Variants in MTUS2 observed in about 807,000 individuals in gnomAD.
MTUS2 encodes microtubule associated scaffold protein 2.
Under a neutral mutation model 114.1 loss-of-function variants are expected in MTUS2, and 40 were observed. The ratio of observed to expected loss-of-function variants is 0.35; its 90% CI spans 0.27 to 0.46. The LOEUF (loss-of-function observed/expected upper bound fraction) is 0.46, where lower values mean the gene tolerates loss of function less well. Ranked by LOEUF, MTUS2 falls within the 20% of genes least tolerant of loss-of-function variation. The pLI, the probability that MTUS2 is intolerant of heterozygous loss-of-function variation, is 1.00. For synonymous variants in MTUS2, 688 were observed against 672.0 expected (o/e 1.02, Z -0.37); for missense variants, 1,679 against 1,705.4 (o/e 0.98, Z 0.27).
chr13:29,195,430 T>C (rs1331485913), intron 5 of MTUS2, among the ~76,000 whole-genome samples: 1 of 151,626 alleles, frequency 6.6e-6, no homozygotes, highest in Non-Finnish European at 1.5e-5. Flanking sequence ...GTATTAGCTA[T>C]TTTCGTAGTT....
chr13:29,176,823 T>C (rs996372268), intron 5 of MTUS2, among the ~76,000 whole-genome samples: 7 of 151,320 alleles, frequency 4.6e-5, no homozygotes, highest in African/African-American at 1.7e-4. Flanking sequence ...CTTGGCCATC[T>C]CCACATCTCT....
intron 9 of MTUS2, among the ~76,000 whole-genome samples, chr13:29,444,422 ACT>A (rs767051850): frequency 1.3e-5 from 2 of 151,424 alleles, no homozygotes; most frequent in Non-Finnish European, 1.5e-5. Context: ...CAAGAGCAAA[ACT>A]CTGTCTCAAA....
intron 6 of MTUS2, chr13:29,307,482 C>G (rs750311437): frequency 3.8e-6 from 5 of 1,303,210 alleles, no homozygotes; most frequent in Non-Finnish European, 5.5e-6. Context: ...CCTTCTGTGT[C>G]CCCACTGCCA....
intron 2 of MTUS2, among the ~76,000 whole-genome samples, chr13:28,856,079 AG>A (rs1876608739): frequency 6.6e-6 from 1 of 152,184 alleles, no homozygotes; most frequent in African/African-American, 2.4e-5. Context: ...AGGATGTGTG[AG>A]GGGTATTCTT....
chr13:28,966,706 C>G (rs963128969), intron 2 of MTUS2, among the ~76,000 whole-genome samples: 97 of 57,936 alleles, frequency 1.7e-3, no homozygotes, highest in Middle Eastern at 0.033. Context: ...GCCTGGGAGA[C>G]AAAGTAAGAC....
In MTUS2 at chr13:28,892,843, G is replaced by C. The variant is rs1246964507; in HGVS notation, c.-243+52993G>C. ...AAGGCAGAAAGTGATGCAAGCCACA[G>C]GAGAAAACCTGTTGGTGTCTATGAG... On this transcript the variant is annotated intron_variant, in intron 2 of 15. Transcript: ENST00000612955. Among the ~76,000 whole-genome samples, 3 of 152,344 alleles carry C rather than the reference G, an allele frequency of 2.0e-5. No homozygotes were observed. In the East Asian group the frequency reaches 5.8e-4, roughly 29 times the overall value.
chr13:28,922,743 C>T (rs1252090900), intron 2 of MTUS2, among the ~76,000 whole-genome samples: 1 of 152,136 alleles, frequency 6.6e-6, no homozygotes, highest in African/African-American at 2.4e-5. Context: ...GTCTTTCCTA[C>T]CCCCCTTCAG....
intron 5 of MTUS2, among the ~76,000 whole-genome samples, chr13:29,179,639 C>A (rs1263860420): frequency 9.1e-6 from 1 of 110,372 alleles, no homozygotes; most frequent in African/African-American, 2.8e-5. Flanking sequence ...ATTTCTTAAA[C>A]AAATTAAAAA....
intron 8 of MTUS2, among the ~76,000 whole-genome samples, chr13:29,398,749 A>T (rs137873412): frequency 2.0e-5 from 3 of 152,246 alleles, no homozygotes; most frequent in African/African-American, 7.2e-5. Context: ...AATTTTTTTA[A>T]AAAATCACAA....
At chr13:28,891,722 A>G (rs1215338015) in intron 2 of MTUS2, among the ~76,000 whole-genome samples, 1 of 151,988 alleles carries the variant, frequency 6.6e-6, no homozygotes, top group Non-Finnish European at 1.5e-5. Context: ...TACTAAAAAT[A>G]CAAAAATTAG....
chr13:28,838,867 T>C (rs926980312), intron 1 of MTUS2, among the ~76,000 whole-genome samples: 1 of 152,238 alleles, frequency 6.6e-6, no homozygotes, highest in African/African-American at 2.4e-5. Flanking sequence ...ATCTTTTAGA[T>C]ACCATTGATG....
At chr13:29,437,133 G>T (rs1877473654) in intron 8 of MTUS2, among the ~76,000 whole-genome samples, 1 of 152,186 alleles carries the variant, frequency 6.6e-6, no homozygotes, top group African/African-American at 2.4e-5. Context: ...TCCAGCAGGG[G>T]CCATGACAGG....
chr13:28,971,691 C>G (rs1340553518), intron 2 of MTUS2, among the ~76,000 whole-genome samples: 1 of 152,174 alleles, frequency 6.6e-6, no homozygotes, highest in African/African-American at 2.4e-5. Flanking sequence ...ATAATGCTTT[C>G]TATTTTACGC....
intron 2 of MTUS2, among the ~76,000 whole-genome samples, chr13:28,919,466 T>G (rs1488290823): frequency 6.6e-6 from 1 of 152,124 alleles, no homozygotes; most frequent in African/African-American, 2.4e-5. Context: ...CATTTTATAT[T>G]ATTTATTTTT....
intron 4 of MTUS2, among the ~76,000 whole-genome samples, chr13:29,054,022 G>T (rs1172419000): frequency 4.6e-5 from 7 of 152,142 alleles, no homozygotes; most frequent in Non-Finnish European, 8.8e-5. Flanking sequence ...CTATCTTACA[G>T]TCCCATGAGC....
intron 2 of MTUS2, among the ~76,000 whole-genome samples, chr13:28,906,946 A>G (rs1163733426): frequency 2.6e-5 from 4 of 151,444 alleles, no homozygotes; most frequent in Non-Finnish European, 4.4e-5. Flanking sequence ...AAGACACATA[A>G]TTGTCAGATT....
intron 7 of MTUS2, among the ~76,000 whole-genome samples, chr13:29,358,558 G>T (rs866772403): frequency 6.6e-6 from 1 of 152,242 alleles, no homozygotes; most frequent in African/African-American, 2.4e-5. Context: ...TGCCTCACGT[G>T]TGCAAAGGTC....
intron 6 of MTUS2, among the ~76,000 whole-genome samples, chr13:29,290,590 A>G (rs1037989422): frequency 1.3e-5 from 2 of 151,946 alleles, no homozygotes; most frequent in Non-Finnish European, 2.9e-5. Flanking sequence ...TCGGCCTCCC[A>G]AAGTGCTGGG....
chr13:29,119,544 T>C (rs1014889324), intron 5 of MTUS2, among the ~76,000 whole-genome samples: 4 of 152,224 alleles, frequency 2.6e-5, no homozygotes, highest in African/African-American at 7.2e-5. Flanking sequence ...AAGTTTGATA[T>C]ATATAAATTA....
Sources: gnomAD v4.1 joint callset for allele counts (sites outside exome capture counted in the v4.1 genomes callset) on GRCh38, gnomAD v4.1.1 for gene constraint, MANE v1.5 for transcripts, NCBI Gene and HGNC (gene_info 2026-07-23, HGNC 2026-07-21) for gene names.